The following HYDIN variants were observed in gnomAD, a reference collection of about 807,000 sequenced individuals.
HYDIN encodes HYDIN axonemal central pair apparatus protein, also known as axonemal central pair apparatus protein HYDIN.
In HYDIN, 132 loss-of-function variants were observed where a neutral mutation model predicts 403.9. The observed-to-expected ratio is 0.33, with a 90% CI of 0.28 to 0.38. HYDIN has a LOEUF of 0.38. Ranked by LOEUF, HYDIN falls within the 10% of genes least tolerant of loss-of-function variation. The probability of loss-of-function intolerance (pLI) is 1.00; values close to 1 mark genes in which losing one functional copy is unlikely to be tolerated. For missense variants in HYDIN, 2,827 were observed against 5,009.5 expected (o/e 0.56, Z 13.15); for synonymous variants, 1,202 against 1,891.7 (o/e 0.64, Z 9.46).
intron 1 of HYDIN, among the ~76,000 whole-genome samples, chr16:71,206,645 T>C (rs1419303385): frequency 6.6e-6 from 1 of 152,152 alleles, no homozygotes; most frequent in Non-Finnish European, 1.5e-5. Context: ...TTCAGGAGAA[T>C]GTTGAAACCC....
chr16:71,191,318 A>G (rs936782685), intron 1 of HYDIN, among the ~76,000 whole-genome samples: 4 of 152,282 alleles, frequency 2.6e-5, no homozygotes, highest in Admixed American at 2.6e-4. Context: ...ATTTTTTGTA[A>G]AAGTTATTAT....
rs781435164 is a variant in HYDIN, at chr16:70,901,254, T to C, written c.8850-52A>G. Reference sequence around the variant, plus strand: ...TTTCATTTCAAATTTTGTAGTTTCATGTGTTTTTTTTTTAACTTTTGTTTT... The same window carrying C: ...TTTCATTTCAAATTTTGTAGTTTCACGTGTTTTTTTTTTAACTTTTGTTTT... On this transcript the variant is annotated intron_variant, in intron 52 of 85. Transcript: ENST00000393567. 2.7e-6 allele frequency: 4 copies of C among 1,461,368 alleles called. No individual in the cohort carries two copies. The South Asian group carries it at 4.8e-5, about 18-fold the overall frequency. 90.5% of individuals were successfully genotyped at this position (1,461,368 alleles called of 1,614,324 possible).
intron 45 of HYDIN, among the ~76,000 whole-genome samples, chr16:70,932,004 T>G: frequency 2.6e-5 from 2 of 76,488 alleles, no homozygotes; most frequent in Admixed American, 1.6e-4. Context: ...GAGCGAGACT[T>G]GTATCAAAAA....
At chr16:70,898,959 T>C (rs2795772) in intron 53 of HYDIN, among the ~76,000 whole-genome samples, 29 of 152,286 alleles carry the variant, frequency 1.9e-4, no homozygotes, top group African/African-American at 5.8e-4. Flanking sequence ...TATTTAGAGG[T>C]GCAATTTCAC....
At position 70,803,860 on chromosome 16, in the gene HYDIN, C is replaced by T. The variant is rs954965822; in HGVS notation, c.*3720G>A. On this transcript the variant is annotated 3_prime_UTR_variant, in exon 86 of 86. Transcript: ENST00000393567. ...CACTCACTGGGGGCCCAGTGTGGAA[C>T]GAGGCCAGGGAGCCCCATTCCCATG... is the stretch of plus-strand genomic sequence containing the variant. Among the ~76,000 whole-genome samples, 3 of 152,086 alleles carry T rather than the reference C, an allele frequency of 2.0e-5. No individual in the cohort carries two copies. The highest frequency in any genetic ancestry group is 6.5e-5 in the Admixed American group (1 of 15,278).
chr16:71,118,514 AC>A (rs1253778421), intron 9 of HYDIN, among the ~76,000 whole-genome samples: 12 of 152,230 alleles, frequency 7.9e-5, no homozygotes, highest in African/African-American at 2.4e-4. Flanking sequence ...AGTAGCAGAC[AC>A]CTATTCATCT....
intron 53 of HYDIN, among the ~76,000 whole-genome samples, chr16:70,900,714 T>C (rs1001863972): frequency 6.8e-6 from 1 of 146,642 alleles, no homozygotes; most frequent in Non-Finnish European, 1.5e-5. Context: ...CATTTGTTCA[T>C]TTGTTCATTC....
intron 78 of HYDIN, among the ~76,000 whole-genome samples, chr16:70,834,950 G>GTGTGTATATATATATATACACACA (rs1399274838): frequency 7.6e-6 from 1 of 130,912 alleles, no homozygotes; most frequent in African/African-American, 3.3e-5. Flanking sequence ...ACACATATAT[G>GTGTGTATATATATATATACACACA]TATATATATA....
intron 7 of HYDIN, among the ~76,000 whole-genome samples, chr16:71,143,883 C>T (rs111900666): frequency 0.017 from 2,498 of 150,898 alleles, no homozygotes; most frequent in African/African-American, 0.056. Flanking sequence ...ATAAAGCTGC[C>T]GTGTGAAGCA....
intron 47 of HYDIN, among the ~76,000 whole-genome samples, chr16:70,916,966 C>G (rs1385144901): frequency 2.0e-5 from 3 of 151,926 alleles, no homozygotes; most frequent in Non-Finnish European, 2.9e-5. Flanking sequence ...CTCTATTGCC[C>G]AGGCTGGAGT....
chr16:71,135,779 C>A (rs1199628444), intron 8 of HYDIN, among the ~76,000 whole-genome samples: 2 of 149,384 alleles, frequency 1.3e-5, no homozygotes, highest in Middle Eastern at 3.4e-3. Flanking sequence ...AGATTTTAGG[C>A]ATAAGTGGTT....
Position 70,894,462 on chromosome 16 carries a change from C to T in HYDIN, c.9235G>A (p.Glu3079Lys). The T allele has an allele frequency of 6.3e-7, 1 of 1,592,430 alleles. No individual in the cohort carries two copies. The highest frequency in any genetic ancestry group is 2.2e-5 in the East Asian group (1 of 44,766). The change falls in exon 55 of 86, where the codon GAG becomes AAG. Residue 3079 changes from glutamate to lysine, a missense_variant. Transcript: ENST00000393567. ...GATTCCAGTTACCTGAACGCGATCT[C>T]ATATTTCCCACGGTTCTTCAATTGC... ...PLQLKNRGKY[E>K]IAFSFSVDSV...
At chr16:70,866,129 A>T in intron 67 of HYDIN, 40 bp downstream of exon 67, 1 of 1,565,466 alleles carries the variant, frequency 6.4e-7, no homozygotes, top group Middle Eastern at 1.7e-4. Context: ...GGAATGAAAG[A>T]GCTTTTCCAT....
intron 42 of HYDIN, among the ~76,000 whole-genome samples, chr16:70,943,590 T>C (rs1170212356): frequency 6.6e-6 from 1 of 152,210 alleles, no homozygotes; most frequent in Non-Finnish European, 1.5e-5. Flanking sequence ...AACTTTTGTG[T>C]AGTCTTCTGC....
In HYDIN at chr16:70,902,815, ATATATATTTT is replaced by A. The variant is rs1434744252; in HGVS notation, c.8849+800_8849+809del. Reference sequence around the variant, plus strand: ...TTTAAATATATATATATATATATATATATATATTTTTTTTTTTTTTTTTGTCCCACTCTCT... The same window carrying A: ...TTTAAATATATATATATATATATATATTTTTTTTTTTTTGTCCCACTCTCT... On this transcript the variant is annotated intron_variant, in intron 52 of 85. Transcript: ENST00000393567. Among the ~76,000 whole-genome samples, 39 of 16,296 alleles carry A rather than the reference ATATATATTTT, an allele frequency of 2.4e-3. 1 individual carries two copies. Among genetic ancestry groups the A allele is most frequent in the African/African-American group, 3.1e-3 (12 of 3,904 alleles). 10.7% of individuals were successfully genotyped at this position (16,296 alleles called of 152,430 possible). A position where few individuals can be genotyped will look rare whatever the true frequency, so the allele number is the denominator to read the frequency against.
At chr16:71,033,846 C>T (rs1019713825) in intron 18 of HYDIN, among the ~76,000 whole-genome samples, 2 of 151,450 alleles carry the variant, frequency 1.3e-5, no homozygotes, top group Non-Finnish European at 3.0e-5. Flanking sequence ...TATGAAAGTC[C>T]TGTTTTATTT....
intron 58 of HYDIN, among the ~76,000 whole-genome samples, chr16:70,888,746 A>T (rs2041298713): frequency 6.6e-6 from 1 of 152,114 alleles, no homozygotes; most frequent in African/African-American, 2.4e-5. Context: ...CACCCTGGCA[A>T]GGGGGTGGGG....
intron 57 of HYDIN, among the ~76,000 whole-genome samples, chr16:70,891,162 C>T (rs994966427): frequency 1.3e-5 from 2 of 151,974 alleles, no homozygotes; most frequent in Admixed American, 6.6e-5. Flanking sequence ...CTGGTGATTT[C>T]GTGTATAGTA....
rs1487597877 is a variant in HYDIN at position 70,945,566 on chromosome 16, G to C, written c.6532-1617C>G. Among the ~76,000 whole-genome samples, 3 of 152,304 alleles carry C rather than the reference G, an allele frequency of 2.0e-5. No homozygotes were observed. The East Asian group carries it at 5.8e-4, about 29-fold the overall frequency. On this transcript the variant is annotated intron_variant, in intron 41 of 85. Transcript: ENST00000393567. Reference sequence around the variant, plus strand: ...GAGTGAGATCGCCTGCAAAGACAATGTAGGAAACAAAAAGGAGAGTAGTAG... The same window carrying C: ...GAGTGAGATCGCCTGCAAAGACAATCTAGGAAACAAAAAGGAGAGTAGTAG...
Sources: allele counts gnomAD v4.1 joint callset (sites outside exome capture counted in the v4.1 genomes callset), GRCh38; gene constraint gnomAD v4.1.1; transcripts MANE v1.5; gene names NCBI Gene and HGNC (gene_info 2026-07-23, HGNC 2026-07-21).